The following EIF3CL variants were observed in gnomAD, a reference collection of about 807,000 sequenced individuals.
EIF3CL encodes eukaryotic translation initiation factor 3 subunit C-like protein.
For synonymous variants in EIF3CL, 2 were observed against 19.6 expected, an observed-to-expected ratio of 0.10 and a Z score of 2.37; for missense variants, 5 against 56.1, an observed-to-expected ratio of 0.09 and a Z score of 2.91.
the EIF3CL span, among the ~76,000 whole-genome samples, chr16:28,417,499 G>A: frequency 8.3e-6 from 1 of 120,298 alleles, no homozygotes; most frequent in Non-Finnish European, 1.8e-5. Context: ...TTGGGATCCT[G>A]TTGATCTGTG....
At chr16:28,422,958 AT>A in the EIF3CL span, among the ~76,000 whole-genome samples, 1 of 128,602 alleles carries the variant, frequency 7.8e-6, no homozygotes, top group Non-Finnish European at 1.7e-5. Context: ...ACACAGGCAG[AT>A]TACTTGAGCC....
chr16:28,415,098 C>A, the EIF3CL span: 1 of 328,896 alleles, frequency 3.0e-6, no homozygotes, highest in South Asian at 2.0e-5. Flanking sequence ...CACCATCTCC[C>A]CAGCTCCTGG....
chr16:28,418,573 A>G, the EIF3CL span, among the ~76,000 whole-genome samples: 1 of 139,942 alleles, frequency 7.1e-6, no homozygotes, highest in African/African-American at 2.6e-5. Context: ...TGAGTTTCCC[A>G]TAGTCCACAG....
At chr16:28,396,557 A>G (rs1344307927) in intron 8 of EIF3CL, among the ~76,000 whole-genome samples, 1 of 71,444 alleles carries the variant, frequency 1.4e-5, no homozygotes, top group Non-Finnish European at 3.6e-5. Context: ...AGTCCCAGCT[A>G]CTCAGGAGGC....
chr16:28,416,794 C>CGGCCAGCCGCCCCGTCT, the EIF3CL span, among the ~76,000 whole-genome samples: 1 of 79,854 alleles, frequency 1.3e-5, no homozygotes, highest in Non-Finnish European at 2.8e-5. Flanking sequence ...CCGCCCCGTC[C>CGGCCAGCCGCCCCGTCT]GGGAGGTGAG....
the EIF3CL span, among the ~76,000 whole-genome samples, chr16:28,417,222 G>A: frequency 1.3e-5 from 2 of 149,050 alleles, no homozygotes; most frequent in Non-Finnish European, 3.0e-5. Flanking sequence ...CCGGCGAGCC[G>A]CCCCATCCGG....
the EIF3CL span, among the ~76,000 whole-genome samples, chr16:28,416,785 C>G: frequency 9.5e-6 from 1 of 105,230 alleles, no homozygotes; most frequent in African/African-American, 3.4e-5. Flanking sequence ...CCCGGCCAGC[C>G]GCCCCGTCCG....
chr16:28,386,792 TAC>T (rs1181105883), intron 15 of EIF3CL, among the ~76,000 whole-genome samples: 5 of 76,232 alleles, frequency 6.6e-5, no homozygotes, highest in Admixed American at 1.6e-4. Flanking sequence ...CCCTAAAAGA[TAC>T]ACACACACAC....
At position 28,384,773 on chromosome 16, in the gene EIF3CL, G is replaced by GT. The variant is rs1157249632; in HGVS notation, c.1822-1293dup. ...GGCACTAATTAAGACAGGGGAGACG[G>GT]TAAGTGGTACAAATCTTGGGGGAAA... On this transcript the variant is annotated intron_variant, in intron 15 of 20. Coordinates refer to ENST00000380876, the MANE Select transcript of EIF3CL (RefSeq NM_001317857.2). 1.9e-5 allele frequency among the ~76,000 whole-genome samples: 2 copies of GT among 103,154 alleles called. 1 individual carries two copies. Among genetic ancestry groups the GT allele is most frequent in the East Asian group, 8.6e-4 (2 of 2,326 alleles). 67.7% of individuals were successfully genotyped at this position (103,154 alleles called of 152,430 possible).
the EIF3CL span, among the ~76,000 whole-genome samples, chr16:28,416,786 G>C: frequency 1.1e-5 from 1 of 91,728 alleles, no homozygotes; most frequent in African/African-American, 4.0e-5. Flanking sequence ...CCGGCCAGCC[G>C]CCCCGTCCGG....
the EIF3CL span, among the ~76,000 whole-genome samples, chr16:28,415,660 G>C: frequency 7.8e-6 from 1 of 128,616 alleles, no homozygotes; most frequent in African/African-American, 3.0e-5. Context: ...TGAGGCAGGA[G>C]AATCACTTGA....
At chr16:28,412,786 TA>T in the EIF3CL span, among the ~76,000 whole-genome samples, 1 of 117,238 alleles carries the variant, frequency 8.5e-6, no homozygotes, top group Non-Finnish European at 1.8e-5. Context: ...CAGGGTGGCT[TA>T]AAAAACAATA....
upstream of EIF3CL, among the ~76,000 whole-genome samples, chr16:28,408,238 G>A (rs1346001609): frequency 2.4e-4 from 21 of 86,338 alleles, no homozygotes; most frequent in African/African-American, 3.0e-4. Flanking sequence ...AAAAAAAAAA[G>A]GGAAAGAAAA....
At chr16:28,417,060 T>G in the EIF3CL span, among the ~76,000 whole-genome samples, 54 of 752 alleles carry the variant, frequency 0.072, 1 homozygote, top group South Asian at 0.094. Context: ...GCCCGGGAGG[T>G]GAGGGCGCCT....
At chr16:28,425,519 C>G in the EIF3CL span, among the ~76,000 whole-genome samples, 3 of 105,154 alleles carry the variant, frequency 2.9e-5, 1 homozygote, top group Non-Finnish European at 5.8e-5. Context: ...CTGATTAACT[C>G]GATGCCACAG....
chr16:28,417,021 T>G, the EIF3CL span, among the ~76,000 whole-genome samples: 4 of 37,436 alleles, frequency 1.1e-4, no homozygotes, highest in Admixed American at 3.6e-4. Flanking sequence ...GTGGGGGGGG[T>G]CAGCCCCCCC....
the EIF3CL span, among the ~76,000 whole-genome samples, chr16:28,422,831 A>T: frequency 8.5e-6 from 1 of 116,994 alleles, no homozygotes; most frequent in Non-Finnish European, 1.8e-5. Context: ...AGTGAGACTC[A>T]GTCTCAAACA....
chr16:28,415,876 C>G, the EIF3CL span, among the ~76,000 whole-genome samples: 1 of 108,098 alleles, frequency 9.3e-6, no homozygotes, highest in African/African-American at 3.4e-5. Flanking sequence ...ATCTCCGTCT[C>G]CCTCTCCCCA....
At chr16:28,405,126 C>A (rs2045674276), upstream of EIF3CL, among the ~76,000 whole-genome samples, 1 of 81,800 alleles carries the variant, frequency 1.2e-5, no homozygotes, top group East Asian at 4.9e-4. Flanking sequence ...TGGTGAAACC[C>A]CATCTCTACT....
Sources: gnomAD v4.1 joint callset for allele counts (sites outside exome capture counted in the v4.1 genomes callset) on GRCh38, gnomAD v4.1.1 for gene constraint, MANE v1.5 for transcripts, NCBI Gene and HGNC (gene_info 2026-07-23, HGNC 2026-07-21) for gene names.